The following LSAMP variants were observed in gnomAD, a reference collection of about 807,000 sequenced individuals.
LSAMP encodes the protein limbic system associated membrane protein.
A neutral mutation model predicts 38.6 loss-of-function variants in LSAMP; 7 were observed. The observed-to-expected ratio is 0.18, with a 90% confidence interval of 0.10 to 0.34. The LOEUF (loss-of-function observed/expected upper bound fraction) is 0.34, where lower values mean the gene tolerates loss of function less well. Ranked by LOEUF, LSAMP falls within the 10% of genes least tolerant of loss-of-function variation. LSAMP has a pLI of 1.00. For missense variants in LSAMP, 313 were observed against 420.0 expected (o/e 0.75, Z 2.23); for synonymous variants, 154 against 166.8 (o/e 0.92, Z 0.59).
chr3:116,272,770 A>G (rs939448018), intron 1 of LSAMP, among the ~76,000 whole-genome samples: 2 of 152,194 alleles, frequency 1.3e-5, no homozygotes, highest in African/African-American at 2.4e-5. Flanking sequence ...AATCTGTCCT[A>G]AGTAAGTGGC....
At chr3:115,967,068 A>G (rs1415350503) in intron 3 of LSAMP, among the ~76,000 whole-genome samples, 1 of 152,174 alleles carries the variant, frequency 6.6e-6, no homozygotes, top group Admixed American at 6.5e-5. Flanking sequence ...TTCTCGTCAG[A>G]AAATGGGTTT....
At chr3:116,044,324 C>T (rs1941243665) in intron 2 of LSAMP, among the ~76,000 whole-genome samples, 1 of 152,186 alleles carries the variant, frequency 6.6e-6, no homozygotes, top group Admixed American at 6.5e-5. Flanking sequence ...AACAACCCTA[C>T]CTTTCTTTTT....
At chr3:115,829,624 T>C (rs1934544316) in intron 6 of LSAMP, among the ~76,000 whole-genome samples, 1 of 152,228 alleles carries the variant, frequency 6.6e-6, no homozygotes, top group Non-Finnish European at 1.5e-5. Context: ...GGCAGTCATG[T>C]GGTACTGTGT....
intron 1 of LSAMP, among the ~76,000 whole-genome samples, chr3:116,416,962 GA>G (rs939097893): frequency 1.3e-5 from 2 of 152,134 alleles, no homozygotes; most frequent in African/African-American, 4.8e-5. Context: ...CAAGAGAGGT[GA>G]AAGGAAGGCA....
intron 3 of LSAMP, among the ~76,000 whole-genome samples, chr3:115,923,769 A>T (rs1937436874): frequency 6.6e-6 from 1 of 152,050 alleles, no homozygotes; most frequent in Admixed American, 6.6e-5. Context: ...TCCTACTTAG[A>T]TTTCTAGAAC....
chr3:116,375,593 C>T (rs2048484683), intron 1 of LSAMP, among the ~76,000 whole-genome samples: 1 of 151,678 alleles, frequency 6.6e-6, no homozygotes. Flanking sequence ...TTGCATCCTT[C>T]CTTTTTACTC....
chr3:116,419,635 A>G (rs1429603274), intron 1 of LSAMP, among the ~76,000 whole-genome samples: 1 of 152,160 alleles, frequency 6.6e-6, no homozygotes, highest in East Asian at 1.9e-4. Flanking sequence ...TTTAAAATCC[A>G]AAACAGGTAT....
intron 1 of LSAMP, among the ~76,000 whole-genome samples, chr3:116,280,810 T>C (rs1336357659): frequency 6.6e-6 from 1 of 152,184 alleles, no homozygotes; most frequent in East Asian, 1.9e-4. Context: ...CGGCACAAAC[T>C]TAAGCAGTGG....
intron 1 of LSAMP, among the ~76,000 whole-genome samples, chr3:116,237,532 A>T (rs1042882357): frequency 2.0e-5 from 3 of 152,210 alleles, no homozygotes; most frequent in South Asian, 4.1e-4. Context: ...AGCTTCATGC[A>T]TATCTGCTTA....
intron 1 of LSAMP, among the ~76,000 whole-genome samples, chr3:116,221,990 G>C (rs1329786761): frequency 6.7e-6 from 1 of 149,196 alleles, no homozygotes; most frequent in Non-Finnish European, 1.5e-5. Context: ...CATCTCTTAT[G>C]AGCTGGTTCT....
chr3:115,967,971 C>T (rs936952397), intron 3 of LSAMP, among the ~76,000 whole-genome samples: 1 of 152,102 alleles, frequency 6.6e-6, no homozygotes, highest in Non-Finnish European at 1.5e-5. Context: ...CCTGTGACCA[C>T]CACCATCCTA....
At chr3:116,203,944 T>A (rs575669561) in intron 1 of LSAMP, among the ~76,000 whole-genome samples, 16 of 152,270 alleles carry the variant, frequency 1.1e-4, no homozygotes, top group African/African-American at 3.8e-4. Context: ...TCAAATGGTA[T>A]TTCTAGTTCT....
rs17360 is a variant in LSAMP at position 116,193,682 on chromosome 3, A to C, written c.156-107126T>G. On this transcript the variant is annotated intron_variant, in intron 1 of 6. Coordinates refer to ENST00000490035, the MANE Select transcript of LSAMP (RefSeq NM_002338.5). ...AAACAAGCTCAAATTCATATTAAAA[A>C]CAGAAGCTGGAGAAGACCAGAAATC... Among the ~76,000 whole-genome samples the C allele has an allele frequency of 5.0e-4, 76 of 152,308 alleles. 1 individual carries two copies. Among genetic ancestry groups the C allele is most frequent in the South Asian group, 4.8e-3 (23 of 4,824 alleles).
intron 3 of LSAMP, among the ~76,000 whole-genome samples, chr3:115,996,485 T>C (rs974886912): frequency 2.6e-5 from 4 of 152,118 alleles, no homozygotes; most frequent in Admixed American, 2.6e-4. Flanking sequence ...AAAACAAATC[T>C]GCTAACATGT....
intron 1 of LSAMP, among the ~76,000 whole-genome samples, chr3:116,142,426 C>T (rs1709390996): frequency 6.6e-6 from 1 of 151,888 alleles, no homozygotes; most frequent in South Asian, 2.1e-4. Flanking sequence ...TTACTCCTAA[C>T]TAAGTGACCA....
chr3:115,950,186 C>G (rs990279290), intron 3 of LSAMP, among the ~76,000 whole-genome samples: 2 of 152,206 alleles, frequency 1.3e-5, no homozygotes, highest in South Asian at 2.1e-4. Flanking sequence ...GATAAGGATG[C>G]CCACTTTCAC....
At chr3:115,951,545 A>G (rs955927083) in intron 3 of LSAMP, among the ~76,000 whole-genome samples, 1 of 152,214 alleles carries the variant, frequency 6.6e-6, no homozygotes, top group African/African-American at 2.4e-5. Flanking sequence ...GCCAAAGGAA[A>G]TTAACATTTG....
chr3:115,966,118 TAA>T lies in LSAMP; in HGVS notation c.514+53395_514+53396del, dbSNP rs532835374. Among the ~76,000 whole-genome samples the T allele has an allele frequency of 3.5e-4, 53 of 152,270 alleles. 1 individual carries two copies. In the South Asian group the frequency reaches 0.011, roughly 31 times the overall value. The stretch of plus-strand genomic sequence containing the variant: ...TAAATTCTGACCAATAGGATGAAAA[TAA>T]AAGTGTTCTGTACATCTTTAAGGAA... On this transcript the variant is annotated intron_variant, in intron 3 of 6. Transcript: ENST00000490035.
intron 1 of LSAMP, among the ~76,000 whole-genome samples, chr3:116,304,151 C>T (rs1185054611): frequency 1.3e-5 from 2 of 152,120 alleles, no homozygotes; most frequent in African/African-American, 2.4e-5. Flanking sequence ...CTATGTGCCA[C>T]ATGTTGAGGA....
Sources: gnomAD v4.1 joint callset for allele counts (sites outside exome capture counted in the v4.1 genomes callset) on GRCh38, gnomAD v4.1.1 for gene constraint, MANE v1.5 for transcripts, NCBI Gene and HGNC (gene_info 2026-07-23, HGNC 2026-07-21) for gene names.